POPDC2: variants seen among roughly 807,000 people sequenced by gnomAD.
The protein encoded by POPDC2 is popeye domain-containing protein 2.
Under a neutral mutation model 30.5 loss-of-function variants are expected in POPDC2, and 24 were observed. The ratio of observed to expected loss-of-function variants is 0.79; its 90% CI spans 0.57 to 1.11. POPDC2 has a LOEUF of 1.11. POPDC2 is among the 50% of genes least tolerant of loss of function. The pLI is 0.00. For synonymous variants in POPDC2, 185 were observed against 183.3 expected (o/e 1.01, Z -0.07); for missense variants, 409 against 447.0 (o/e 0.91, Z 0.77).
intron 3 of POPDC2, among the ~76,000 whole-genome samples, chr3:119,645,566 C>CAAAAAAA (rs201320482): frequency 1.2e-4 from 14 of 115,098 alleles, no homozygotes; most frequent in South Asian, 2.6e-4. Flanking sequence ...CCGTCTCAAA[C>CAAAAAAA]AAAAAAAAAA....
chr3:119,646,735 A>G lies in POPDC2; in HGVS notation c.*43+1384T>C, dbSNP rs1309649514. On this transcript the variant is annotated intron_variant, in intron 3 of 3. Coordinates refer to ENST00000493094, the MANE Select transcript of POPDC2 (RefSeq NM_001369919.2). ...AAAGAAGAGAAAAATAGAACCAAGAAAAGAGAAGAAAACCAGGAAGAACAA... is the reference window on the plus strand; with the variant it reads ...AAAGAAGAGAAAAATAGAACCAAGAGAAGAGAAGAAAACCAGGAAGAACAA... 2.0e-5 allele frequency among the ~76,000 whole-genome samples: 3 copies of G among 152,216 alleles called. No individual in the cohort carries two copies. In the South Asian group the frequency reaches 6.2e-4, roughly 32 times the overall value.
chr3:119,656,103 T>TA (rs965629600), intron 1 of POPDC2, among the ~76,000 whole-genome samples: 3 of 152,092 alleles, frequency 2.0e-5, no homozygotes, highest in South Asian at 2.1e-4. Flanking sequence ...CTGAAGGAAC[T>TA]AAAAAAAATT....
intron 3 of POPDC2, among the ~76,000 whole-genome samples, chr3:119,643,743 C>T (rs2052715381): frequency 1.3e-5 from 2 of 152,308 alleles, no homozygotes; most frequent in South Asian, 4.1e-4. Context: ...TAATCCAAGG[C>T]ATCCTTTTCC....
rs757448799 is a variant in POPDC2, at chr3:119,659,916, T to C, written c.491+17A>G. On this transcript the variant is annotated intron_variant, in intron 1 of 3. Coordinates refer to ENST00000493094, the MANE Select transcript of POPDC2 (RefSeq NM_001369919.2). ...GGCTGGGGAAAGAAATTCTGGGCAA[T>C]GGATAGAGTAGCTTACCGGCCAGAG... 1.3e-6 allele frequency: 2 copies of C among 1,553,066 alleles called. No homozygotes were observed. Among genetic ancestry groups the C allele is most frequent in the African/African-American group, 1.4e-5 (1 of 73,548 alleles).
At chr3:119,659,242 T>C (rs2052912996) in intron 1 of POPDC2, among the ~76,000 whole-genome samples, 1 of 152,134 alleles carries the variant, frequency 6.6e-6, no homozygotes, top group Non-Finnish European at 1.5e-5. Context: ...ATGAGATAGG[T>C]GTATCACTTC....
At chr3:119,644,124 T>C (rs566421975) in intron 3 of POPDC2, among the ~76,000 whole-genome samples, 7 of 152,334 alleles carry the variant, frequency 4.6e-5, no homozygotes, top group South Asian at 4.1e-4. Flanking sequence ...GATCCTCCTG[T>C]CGAGGGGCTC....
upstream of POPDC2, chr3:119,660,876 A>G (rs2107827224): frequency 6.4e-6 from 1 of 157,168 alleles, no homozygotes; most frequent in African/African-American, 2.4e-5. Flanking sequence ...GTTTTTCCCA[A>G]GCAGAATGAG....
At chr3:119,645,566 C>CAAAAAAAAAAAAA (rs201320482) in intron 3 of POPDC2, among the ~76,000 whole-genome samples, 1 of 115,338 alleles carries the variant, frequency 8.7e-6, no homozygotes. Flanking sequence ...CCGTCTCAAA[C>CAAAAAAAAAAAAA]AAAAAAAAAA....
intron 3 of POPDC2, among the ~76,000 whole-genome samples, chr3:119,642,837 C>T (rs2052706219): frequency 6.6e-6 from 1 of 152,096 alleles, no homozygotes; most frequent in Admixed American, 6.5e-5. Flanking sequence ...CTATAGAACT[C>T]TACTTCTTAC....
rs150714265 is a variant in POPDC2, at chr3:119,645,459, G to A, written c.*43+2660C>T. 6.5e-3 allele frequency among the ~76,000 whole-genome samples: 986 copies of A among 152,174 alleles called. 4 individuals are homozygous for A. The highest frequency in any genetic ancestry group is 0.022 in the African/African-American group (923 of 41,518). ...CGCCTATAGTCCCAGCTACTCGGGA[G>A]GCTGAGGCAGGAGAATGGCGGTGAA... On this transcript the variant is annotated intron_variant, in intron 3 of 3. Coordinates refer to ENST00000493094, the MANE Select transcript of POPDC2 (RefSeq NM_001369919.2).
chr3:119,660,663 TC>T (rs1411963343), upstream of POPDC2: 2 of 81,006 alleles, frequency 2.5e-5, no homozygotes, highest in Admixed American at 2.7e-4. Flanking sequence ...TCTCCCCCCC[TC>T]TCTCCTCCCC....
chr3:119,646,887 G>A (rs1012690690), intron 3 of POPDC2, among the ~76,000 whole-genome samples: 2 of 152,116 alleles, frequency 1.3e-5, no homozygotes, highest in Admixed American at 6.5e-5. Flanking sequence ...GTAGGAAGGC[G>A]AACAGCTGCA....
chr3:119,652,401 A>G (rs897126463), intron 2 of POPDC2, among the ~76,000 whole-genome samples: 11 of 152,258 alleles, frequency 7.2e-5, no homozygotes, highest in Non-Finnish European at 1.3e-4. Flanking sequence ...CTAACTTAAG[A>G]TAACACTTGA....
chr3:119,658,916 C>CTTTTTTTTTT (rs35687726), intron 1 of POPDC2, among the ~76,000 whole-genome samples: 1 of 139,656 alleles, frequency 7.2e-6, no homozygotes, highest in African/African-American at 2.7e-5. Flanking sequence ...TCTGGATTTG[C>CTTTTTTTTTT]TTTTTTTTTT....
chr3:119,642,111 T>C lies in POPDC2; in HGVS notation c.*494A>G, dbSNP rs2052696786. ...ACTTGGTGCCACGGCATGTGCTAGG[T>C]GCTTACCTAAATCAACTCATTGGAT... On this transcript the variant is annotated 3_prime_UTR_variant, in exon 4 of 4. Transcript: ENST00000493094. 1 of 170,708 alleles carries C rather than the reference T, an allele frequency of 5.9e-6. No homozygotes were observed. The allele number at this position is 170,708 out of a possible 1,614,324, so 10.6% of individuals were successfully genotyped here. A position where few individuals can be genotyped will look rare whatever the true frequency, so the allele number is the denominator to read the frequency against.
intron 3 of POPDC2, among the ~76,000 whole-genome samples, chr3:119,645,580 A>AAG (rs1553796711): frequency 4.5e-4 from 69 of 151,704 alleles, no homozygotes; most frequent in African/African-American, 1.2e-3. Context: ...AAAAAAAAAA[A>AAG]AAAGAAAGAA....
intron 3 of POPDC2, 143 bp from the exon 4 acceptor site, chr3:119,642,704 A>C (rs2052703956): frequency 1.7e-6 from 1 of 586,708 alleles, no homozygotes; most frequent in Non-Finnish European, 3.0e-6. Flanking sequence ...TGATAGGGGC[A>C]GGTGTACCTT....
At position 119,660,024 on chromosome 3, in the gene POPDC2, C is replaced by T. The variant is rs756420589; in HGVS notation, c.400G>A (p.Glu134Lys). Residue 134 changes from glutamate to lysine, a missense_variant, in exon 1 of 4, where the codon GAG becomes AAG. By Grantham distance (56) the Glu-to-Lys change is moderately conservative. Coordinates refer to ENST00000493094, the MANE Select transcript of POPDC2 (RefSeq NM_001369919.2). ...QTYKEIVHCC[E>K]EQVLTLATEQ... Reference sequence around the variant, plus strand: ...GTGGCCAGAGTTAAGACCTGCTCCTCGCAGCAGTGAACAATCTCCTTGTAT... The same window carrying T: ...GTGGCCAGAGTTAAGACCTGCTCCTTGCAGCAGTGAACAATCTCCTTGTAT... 1.2e-6 allele frequency: 2 copies of T among 1,614,066 alleles called. No homozygotes were observed. The highest frequency in any genetic ancestry group is 1.7e-6 in the Non-Finnish European group (2 of 1,180,012).
intron 3 of POPDC2, 150 bp downstream of exon 3, chr3:119,647,969 G>A (rs1163711770): frequency 1.8e-6 from 1 of 564,646 alleles, no homozygotes; most frequent in Non-Finnish European, 3.0e-6. Context: ...TGCACCCGGA[G>A]TGAGTTGCTA....
Sources: allele counts gnomAD v4.1 joint callset (sites outside exome capture counted in the v4.1 genomes callset), GRCh38; gene constraint gnomAD v4.1.1; transcripts MANE v1.5; gene names NCBI Gene and HGNC (gene_info 2026-07-23, HGNC 2026-07-21).